KCNJ4: variants seen among roughly 807,000 people sequenced by gnomAD.
KCNJ4 encodes potassium inwardly rectifying channel subfamily J member 4.
In KCNJ4, 3 loss-of-function variants were observed where a neutral mutation model predicts 25.6. That is an observed-to-expected ratio of 0.12 (90% CI 0.05 to 0.30). The LOEUF is 0.30. Among genes scored for constraint, KCNJ4 ranks in the 10% least tolerant of loss-of-function variants. The probability of loss-of-function intolerance (pLI) is 1.00; values close to 1 mark genes in which losing one functional copy is unlikely to be tolerated. For synonymous variants in KCNJ4, 257 were observed against 283.9 expected, an observed-to-expected ratio of 0.91 and a Z score of 0.95; for missense variants, 286 against 666.8, an observed-to-expected ratio of 0.43 and a Z score of 6.29.
At chr22:38,448,840 C>T (rs1358227558) in intron 1 of KCNJ4, among the ~76,000 whole-genome samples, 1 of 152,168 alleles carries the variant, frequency 6.6e-6, no homozygotes, top group Non-Finnish European at 1.5e-5. Flanking sequence ...GGGGCTTCTC[C>T]TCCATCCCAG....
At chr22:38,453,333 C>T (rs2145951315) in intron 1 of KCNJ4, among the ~76,000 whole-genome samples, 1 of 152,240 alleles carries the variant, frequency 6.6e-6, no homozygotes, top group South Asian at 2.1e-4. Flanking sequence ...CAAGGTCACC[C>T]AGCAGAAACT....
intron 1 of KCNJ4, among the ~76,000 whole-genome samples, chr22:38,445,283 C>T (rs2089365999): frequency 6.6e-6 from 1 of 151,954 alleles, no homozygotes; most frequent in Non-Finnish European, 1.5e-5. Context: ...GGACAGGCGG[C>T]TACTTCTGAG....
intron 1 of KCNJ4, among the ~76,000 whole-genome samples, chr22:38,445,315 A>T (rs1336435616): frequency 1.3e-5 from 2 of 152,070 alleles, no homozygotes; most frequent in Non-Finnish European, 2.9e-5. Flanking sequence ...AGCATCCTGG[A>T]AGTTGTGGCA....
chr22:38,433,149 T>G (rs1274229473), intron 1 of KCNJ4, among the ~76,000 whole-genome samples: 2 of 151,768 alleles, frequency 1.3e-5, no homozygotes, highest in East Asian at 2.0e-4. Context: ...TCTTTTAATT[T>G]TTAAAAATTT....
intron 1 of KCNJ4, among the ~76,000 whole-genome samples, chr22:38,430,753 CCT>C (rs1490302849): frequency 1.3e-5 from 2 of 152,212 alleles, no homozygotes; most frequent in African/African-American, 2.4e-5. Flanking sequence ...ATGTATTCCC[CCT>C]GTTCTGTCCC....
At position 38,426,770 on chromosome 22, in the gene KCNJ4, C is replaced by T. The variant is rs2093033723; in HGVS notation, c.*25G>A. 5.7e-6 allele frequency: 9 copies of T among 1,583,026 alleles called. No homozygotes were observed. The highest frequency in any genetic ancestry group is 1.2e-5 in the South Asian group (1 of 86,586). On this transcript the variant is annotated 3_prime_UTR_variant, in exon 2 of 2. Transcript: ENST00000303592. Reference sequence around the variant, plus strand: ...CACCCCCGGCAGAGGCTCTTGTGGGCAGTGGTGAGGGCCGGGCCTGGAGGT... The same window carrying T: ...CACCCCCGGCAGAGGCTCTTGTGGGTAGTGGTGAGGGCCGGGCCTGGAGGT...
chr22:38,451,487 G>C (rs1455585443), intron 1 of KCNJ4, among the ~76,000 whole-genome samples: 1 of 152,178 alleles, frequency 6.6e-6, no homozygotes, highest in Non-Finnish European at 1.5e-5. Context: ...CCAATAGAGG[G>C]AGGGGATTAG....
rs567780575 is a variant in KCNJ4 at position 38,437,478 on chromosome 22, T to C, written c.-39-9307A>G. ...TCCCTCAGTGGCGGCAGGTGGGGCTTCAACACCCCACTGCCTGGCTGGGGC... is the reference window on the plus strand; with the variant it reads ...TCCCTCAGTGGCGGCAGGTGGGGCTCCAACACCCCACTGCCTGGCTGGGGC... On this transcript the variant is annotated intron_variant, in intron 1 of 1. Coordinates refer to ENST00000303592, the MANE Select transcript of KCNJ4 (RefSeq NM_152868.3). Among the ~76,000 whole-genome samples, 31 of 152,320 alleles carry C rather than the reference T, an allele frequency of 2.0e-4. No homozygotes were observed. The East Asian group carries it at 5.2e-3, about 26-fold the overall frequency.
chr22:38,444,502 C>T (rs1273208017), intron 1 of KCNJ4, among the ~76,000 whole-genome samples: 2 of 152,172 alleles, frequency 1.3e-5, no homozygotes, highest in African/African-American at 4.8e-5. Context: ...TCTGCCTCAC[C>T]CTCCACGGAG....
rs1374885999 is a variant in KCNJ4, at chr22:38,427,832, C to A, written c.301G>T (p.Ala101Ser). 4.4e-6 allele frequency: 7 copies of A among 1,608,918 alleles called. No individual in the cohort carries two copies. Among genetic ancestry groups the A allele is most frequent in the Non-Finnish European group, 5.9e-6 (7 of 1,177,752 alleles). The change falls in exon 2 of 2, where the codon GCG becomes TCG. Residue 101 changes from alanine to serine, a missense_variant. Transcript: ENST00000303592. ...ACCGGGGCTGCTCCGCCACCACCCG[C>A]CGCCGGGCCCCCCGCCGCAGGCACC... The part of the protein sequence containing the change: ...PGVPAAGGPA[A>S]GGGGAAPVAP...
At chr22:38,433,569 G>A (rs116665922) in intron 1 of KCNJ4, among the ~76,000 whole-genome samples, 3,974 of 152,060 alleles carry the variant, frequency 0.026, 76 homozygotes, top group African/African-American at 0.045. Flanking sequence ...CTCCTGCCTC[G>A]GTCTCCCAAA....
chr22:38,447,280 C>T lies in KCNJ4; in HGVS notation c.-40+7700G>A, dbSNP rs534099004. On this transcript the variant is annotated intron_variant, in intron 1 of 1. Coordinates refer to ENST00000303592, the MANE Select transcript of KCNJ4 (RefSeq NM_152868.3). ...CCTTCCAGACACGAGTGGGCTTCCC[C>T]GGAGATGGGGAGCTCCCCGTGAGGA... Among the ~76,000 whole-genome samples, 28 of 152,266 alleles carry T rather than the reference C, an allele frequency of 1.8e-4. No homozygotes were observed. The South Asian group carries it at 4.4e-3, about 24-fold the overall frequency.
chr22:38,455,135 C>A lies in KCNJ4; in HGVS notation c.-195G>T, dbSNP rs1205220430. The A allele has an allele frequency of 2.7e-5, 4 of 149,634 alleles. No homozygotes were observed. In the East Asian group the frequency reaches 7.8e-4, roughly 29 times the overall value. 9.3% of individuals were successfully genotyped at this position (149,634 alleles called of 1,614,324 possible). A position where few individuals can be genotyped will look rare whatever the true frequency, so the allele number is the denominator to read the frequency against. On this transcript the variant is annotated 5_prime_UTR_variant, in exon 1 of 2. Coordinates refer to ENST00000303592, the MANE Select transcript of KCNJ4 (RefSeq NM_152868.3). ...GGCCGGCCCGCGCTCCCCTCCCCGG[C>A]TGCCGCTCGGTCTGCGCGTGGGTCT... is the stretch of plus-strand genomic sequence containing the variant.
At position 38,426,466 on chromosome 22, in the gene KCNJ4, C is replaced by T. The variant is rs189152249; in HGVS notation, c.*329G>A. 1,290 of 236,226 alleles carry T rather than the reference C, an allele frequency of 5.5e-3. 22 individuals are homozygous for T. The highest frequency in any genetic ancestry group is 0.028 in the African/African-American group (1,229 of 43,910). 14.6% of individuals were successfully genotyped at this position (236,226 alleles called of 1,614,324 possible). ...CACCCTGAAACCCCGAGATGTCCCC[C>T]GCCCAGCAGTCCAGCCACCTTCCCC... On this transcript the variant is annotated 3_prime_UTR_variant, in exon 2 of 2. Coordinates refer to ENST00000303592, the MANE Select transcript of KCNJ4 (RefSeq NM_152868.3).
chr22:38,452,468 A>G (rs534568980), intron 1 of KCNJ4, among the ~76,000 whole-genome samples: 4 of 152,280 alleles, frequency 2.6e-5, no homozygotes, highest in Admixed American at 2.6e-4. Flanking sequence ...AGATGGGAAG[A>G]GTGAGCAGGA....
At position 38,448,431 on chromosome 22, in the gene KCNJ4, T is replaced by C. The variant is rs1016954696; in HGVS notation, c.-40+6549A>G. 2.6e-5 allele frequency among the ~76,000 whole-genome samples: 4 copies of C among 152,204 alleles called. No individual in the cohort carries two copies. In the East Asian group the frequency reaches 7.7e-4, roughly 29 times the overall value. ...ATGGACAGTGGCCTAGTCAAGGTCA[T>C]GCGGAGCCAGTGAGGGGCTGAGCTG... On this transcript the variant is annotated intron_variant, in intron 1 of 1. Transcript: ENST00000303592.
At position 38,427,286 on chromosome 22, in the gene KCNJ4, C is replaced by T. The variant is rs779419387; in HGVS notation, c.847G>A (p.Asp283Asn). 1.2e-6 allele frequency: 2 copies of T among 1,613,892 alleles called. No individual in the cohort carries two copies. Among genetic ancestry groups the T allele is most frequent in the East Asian group, 2.2e-5 (1 of 44,862 alleles). Residue 283 changes from aspartate to asparagine, a missense_variant, in exon 2 of 2, where the codon GAC becomes AAC. Asp to Asn is a conservative substitution (Grantham distance 23). Coordinates refer to ENST00000303592, the MANE Select transcript of KCNJ4 (RefSeq NM_152868.3). ...TCCAGGATGACCACGATCTCAAAGT[C>T]CTCCGACTCCAGCTCCTCCTTGCCC... Reference protein sequence around the residue: ...GMGKEELESEDFEIVVILEGM... With the variant: ...GMGKEELESENFEIVVILEGM...
chr22:38,446,126 C>T (rs2089372763), intron 1 of KCNJ4, among the ~76,000 whole-genome samples: 1 of 152,244 alleles, frequency 6.6e-6, no homozygotes, highest in African/African-American at 2.4e-5. Flanking sequence ...ACAGGGCGCT[C>T]ACCCACTTCT....
chr22:38,438,707 GA>G (rs2089311256), intron 1 of KCNJ4, among the ~76,000 whole-genome samples: 2 of 45,888 alleles, frequency 4.4e-5, no homozygotes, highest in African/African-American at 5.4e-5. Context: ...AAGAAAAAAA[GA>G]AAGAAAGAAA....
Sources: gnomAD v4.1 joint callset for allele counts (sites outside exome capture counted in the v4.1 genomes callset) on GRCh38, gnomAD v4.1.1 for gene constraint, MANE v1.5 for transcripts, NCBI Gene and HGNC (gene_info 2026-07-23, HGNC 2026-07-21) for gene names.